DOCK4: variants seen among roughly 807,000 people sequenced by gnomAD.
The protein encoded by DOCK4 is dedicator of cytokinesis protein 4.
DOCK4 carries 97 observed loss-of-function variants against 268.1 expected under a neutral mutation model. The ratio of observed to expected loss-of-function variants is 0.36; its 90% CI spans 0.31 to 0.43. The LOEUF is 0.43. Ranked by LOEUF, DOCK4 falls within the 20% of genes least tolerant of loss-of-function variation. The probability of loss-of-function intolerance (pLI) is 1.00; values close to 1 mark genes in which losing one functional copy is unlikely to be tolerated. For synonymous variants in DOCK4, 954 were observed against 887.2 expected, an observed-to-expected ratio of 1.08 and a Z score of -1.34; for missense variants, 2,145 against 2,455.7, an observed-to-expected ratio of 0.87 and a Z score of 2.67.
chr7:111,809,423 T>A (rs1327472995), intron 28 of DOCK4, 22 bp from the exon 29 acceptor site: 1 of 1,524,656 alleles, frequency 6.6e-7, no homozygotes, highest in Non-Finnish European at 8.9e-7. Flanking sequence ...ACAAGATATA[T>A]CAATACTATG....
At chr7:111,871,644 T>G (rs368153613) in intron 20 of DOCK4, among the ~76,000 whole-genome samples, 1 of 152,226 alleles carries the variant, frequency 6.6e-6, no homozygotes, top group Non-Finnish European at 1.5e-5. Context: ...TGAACATTTA[T>G]AATCATCAGG....
Position 112,146,109 on chromosome 7 carries a change from C to A in DOCK4, c.37+59993G>T, listed in dbSNP as rs73438625. Among the ~76,000 whole-genome samples the A allele has an allele frequency of 7.1e-3, 1,079 of 152,232 alleles. 19 individuals are homozygous for A. The highest frequency in any genetic ancestry group is 0.025 in the African/African-American group (1,025 of 41,546). On this transcript the variant is annotated intron_variant, in intron 1 of 52. Transcript: ENST00000428084. ...ATGGCAGTATTCATCAAACACTTAG[C>A]ACAAAGATTGGTTTTTGTAGCAAGA...
At chr7:111,817,143 C>G (rs1801617815) in intron 27 of DOCK4, among the ~76,000 whole-genome samples, 1 of 152,220 alleles carries the variant, frequency 6.6e-6, no homozygotes, top group Admixed American at 6.5e-5. Context: ...CACCTCACAA[C>G]TCACCTGGAG....
At position 111,809,377 on chromosome 7, in the gene DOCK4, C is replaced by T. The variant is rs754497008; in HGVS notation, c.3031G>A (p.Ala1011Thr). 9.6e-6 allele frequency: 15 copies of T among 1,563,572 alleles called. No homozygotes were observed. Among genetic ancestry groups the T allele is most frequent in the East Asian group, 7.0e-5 (3 of 42,650 alleles). The change falls in exon 29 of 53, where the codon GCA (alanine) becomes ACA (threonine). Residue 1011 changes from alanine to threonine, a missense_variant. Ala to Thr is a moderately conservative substitution (Grantham distance 58). Coordinates refer to ENST00000428084, the MANE Select transcript of DOCK4 (RefSeq NM_001363540.2). The stretch of plus-strand genomic sequence containing the variant: ...CACAACTGGTTTATAAAAATGACTG[C>T]GAGGTAAAAGTAGGAATCCCAGATC... The part of the protein sequence containing the change: ...YKIWDSYFYL[A>T]VIFINQLCLQ...
intron 1 of DOCK4, among the ~76,000 whole-genome samples, chr7:112,099,475 T>C (rs966038736): frequency 6.6e-6 from 1 of 152,150 alleles, no homozygotes; most frequent in African/African-American, 2.4e-5. Flanking sequence ...TAATTATGTA[T>C]TTACTTGTGT....
At chr7:111,886,172 G>A (rs1247339602) in intron 16 of DOCK4, among the ~76,000 whole-genome samples, 1 of 152,112 alleles carries the variant, frequency 6.6e-6, no homozygotes, top group Non-Finnish European at 1.5e-5. Flanking sequence ...CTTGTGAAAA[G>A]TAGGTAATCA....
intron 1 of DOCK4, among the ~76,000 whole-genome samples, chr7:112,174,274 A>C (rs907801806): frequency 9.2e-5 from 14 of 152,120 alleles, no homozygotes; most frequent in Admixed American, 4.6e-4. Flanking sequence ...TCTGGAAAAA[A>C]CTGCCACAAT....
At chr7:112,189,558 A>T (rs1819745456) in intron 1 of DOCK4, among the ~76,000 whole-genome samples, 1 of 152,164 alleles carries the variant, frequency 6.6e-6, no homozygotes, top group African/African-American at 2.4e-5. Context: ...ACCTACACAC[A>T]CTGACTCAAA....
chr7:111,741,862 G>A, intron 45 of DOCK4, 151 bp downstream of exon 45: 1 of 1,273,240 alleles, frequency 7.9e-7, no homozygotes, highest in Non-Finnish European at 1.1e-6. Flanking sequence ...GCAAATAGCA[G>A]ACAAGGCAAT....
chr7:111,987,758 C>T (rs1799166350), intron 6 of DOCK4, among the ~76,000 whole-genome samples: 1 of 152,192 alleles, frequency 6.6e-6, no homozygotes, highest in Admixed American at 6.5e-5. Context: ...AAGGAATTTG[C>T]TTCAGGTCCT....
chr7:112,071,192 G>T (rs1807551724), intron 1 of DOCK4, among the ~76,000 whole-genome samples: 3 of 152,070 alleles, frequency 2.0e-5, no homozygotes, highest in African/African-American at 7.2e-5. Flanking sequence ...TTTTATCTTT[G>T]CCACAGCCCA....
chr7:111,834,347 T>A (rs1405147721), intron 26 of DOCK4, among the ~76,000 whole-genome samples: 1 of 152,214 alleles, frequency 6.6e-6, no homozygotes, highest in Non-Finnish European at 1.5e-5. Context: ...TGAACTTTGA[T>A]GACAGGTACT....
intron 4 of DOCK4, among the ~76,000 whole-genome samples, chr7:111,997,883 T>G (rs17159120): frequency 0.014 from 2,108 of 152,294 alleles, 49 homozygotes; most frequent in African/African-American, 0.048. Flanking sequence ...GACTGCCACT[T>G]CAAATCCTTT....
chr7:111,892,506 T>C (rs1265137891), intron 16 of DOCK4, among the ~76,000 whole-genome samples: 1 of 152,158 alleles, frequency 6.6e-6, no homozygotes, highest in Non-Finnish European at 1.5e-5. Flanking sequence ...CAGGCCCAGT[T>C]TTATTTCTTA....
At chr7:111,765,548 C>A (rs1337076804) in intron 38 of DOCK4, among the ~76,000 whole-genome samples, 1 of 152,146 alleles carries the variant, frequency 6.6e-6, no homozygotes, top group African/African-American at 2.4e-5. Flanking sequence ...AAAATTATTT[C>A]TATGCATGTA....
intron 1 of DOCK4, among the ~76,000 whole-genome samples, chr7:112,203,095 G>T (rs368615095): frequency 1.1e-4 from 16 of 152,148 alleles, no homozygotes; most frequent in African/African-American, 3.6e-4. Flanking sequence ...ACCAGGGAAG[G>T]CTTTAGTTAA....
intron 16 of DOCK4, among the ~76,000 whole-genome samples, chr7:111,885,258 A>G (rs1286811021): frequency 6.6e-6 from 1 of 152,178 alleles, no homozygotes; most frequent in East Asian, 1.9e-4. Flanking sequence ...TGTAATTGAG[A>G]GATGGCTTTG....
rs1469554986 is a variant in DOCK4, at chr7:111,727,225, C to G, written c.*1049G>C. ...CTCCTTCAAGAGAAAGACGACAGGT[C>G]AGCTAAGACAAACTCCACTGGTAAA... On this transcript the variant is annotated 3_prime_UTR_variant, in exon 53 of 53. Transcript: ENST00000428084. 1 of 152,632 alleles carries G rather than the reference C, an allele frequency of 6.6e-6. No individual in the cohort carries two copies. Among genetic ancestry groups the G allele is most frequent in the Non-Finnish European group, 1.5e-5 (1 of 68,044 alleles). 9.5% of individuals were successfully genotyped at this position (152,632 alleles called of 1,614,324 possible). A position where few individuals can be genotyped will look rare whatever the true frequency, so the allele number is the denominator to read the frequency against.
intron 1 of DOCK4, among the ~76,000 whole-genome samples, chr7:112,170,455 C>T (rs11765157): frequency 0.1 from 15,242 of 151,398 alleles, 949 homozygotes; most frequent in South Asian, 0.14. Flanking sequence ...AATAATACCC[C>T]GTCTTAAAAA....
Sources: allele counts gnomAD v4.1 joint callset (sites outside exome capture counted in the v4.1 genomes callset), GRCh38; gene constraint gnomAD v4.1.1; transcripts MANE v1.5; gene names NCBI Gene and HGNC (gene_info 2026-07-23, HGNC 2026-07-21).